TENM1: variants seen among roughly 807,000 people sequenced by gnomAD.
TENM1 encodes the protein teneurin-1.
A neutral mutation model predicts 174.8 loss-of-function variants in TENM1; 35 were observed. That is an observed-to-expected ratio of 0.20 (90% CI 0.15 to 0.27). TENM1 has a LOEUF of 0.27. TENM1 is among the 10% of genes least tolerant of loss of function. The probability of loss-of-function intolerance (pLI) is 1.00; values close to 1 mark genes in which losing one functional copy is unlikely to be tolerated. For missense variants in TENM1, 1,633 were observed against 2,130.1 expected (o/e 0.77, Z 4.59); for synonymous variants, 781 against 798.7 (o/e 0.98, Z 0.37).
At chrX:124,472,507 T>C (rs973472730) in intron 22 of TENM1, among the ~76,000 whole-genome samples, 6 of 107,693 alleles carry the variant, frequency 5.6e-5, no homozygotes, top group African/African-American at 1.7e-4. Context: ...TGGGCTGAAG[T>C]GGCCAAAAAT....
chrX:124,801,486 T>C (rs1022218728), intron 3 of TENM1, among the ~76,000 whole-genome samples: 50 of 112,019 alleles, frequency 4.5e-4, no homozygotes, highest in Non-Finnish European at 2.4e-4. Context: ...TGTCTTTGCA[T>C]GTAAGATGGG....
At chrX:124,680,007 C>T (rs1045529664) in intron 5 of TENM1, among the ~76,000 whole-genome samples, 7 of 110,840 alleles carry the variant, frequency 6.3e-5, no homozygotes, top group Non-Finnish European at 1.1e-4. Context: ...GCTGTTGTGT[C>T]GTATATAGGT....
At position 124,876,962 on chromosome X, in the gene TENM1, T is replaced by C. The variant is rs1297748989; in HGVS notation, c.535+17334A>G. 7.1e-5 allele frequency among the ~76,000 whole-genome samples: 8 copies of C among 112,268 alleles called. No homozygotes were observed. The East Asian group carries it at 2.2e-3, about 31-fold the overall frequency. On this transcript the variant is annotated intron_variant, in intron 3 of 31. Coordinates refer to ENST00000422452, the Ensembl canonical transcript of TENM1. ...ATTCTGCTATTTTACTGCTTATGCC[T>C]ATAAGAATTGGTTCTTGAATTTATT...
intron 27 of TENM1, among the ~76,000 whole-genome samples, chrX:124,403,711 T>G (rs1736203161): frequency 9.0e-6 from 1 of 110,653 alleles, no homozygotes. Flanking sequence ...AATTAATATG[T>G]CAGTATGTTC....
At chrX:124,713,256 T>A (rs1384700363) in intron 4 of TENM1, among the ~76,000 whole-genome samples, 5 of 111,002 alleles carry the variant, frequency 4.5e-5, no homozygotes, top group Non-Finnish European at 9.4e-5. Flanking sequence ...GTTACTATCG[T>A]GATTTGCAAA....
intron 4 of TENM1, among the ~76,000 whole-genome samples, chrX:124,718,994 A>G (rs1603061638): frequency 8.9e-6 from 1 of 111,840 alleles, no homozygotes; most frequent in East Asian, 2.8e-4. Context: ...ACATCCTGAC[A>G]GTCTACCTCC....
chrX:124,547,991 C>T (rs937827809), intron 14 of TENM1, among the ~76,000 whole-genome samples: 1 of 111,559 alleles, frequency 9.0e-6, no homozygotes, highest in African/African-American at 3.3e-5. Context: ...CGCCCGCCAA[C>T]ACACCCGGCT....
the TENM1 span, among the ~76,000 whole-genome samples, chrX:125,050,756 G>C: frequency 2.7e-5 from 3 of 111,630 alleles, no homozygotes; most frequent in Non-Finnish European, 5.6e-5. Context: ...CACAAGGGTT[G>C]AACTAGTTTA....
At chrX:125,112,565 GA>G in the TENM1 span, among the ~76,000 whole-genome samples, 2 of 110,994 alleles carry the variant, frequency 1.8e-5, no homozygotes, top group African/African-American at 6.5e-5. Context: ...AAAAAGCTTA[GA>G]AAAAAAGATA....
intron 3 of TENM1, among the ~76,000 whole-genome samples, chrX:124,746,745 T>A (rs2053928456): frequency 9.0e-6 from 1 of 111,614 alleles, no homozygotes; most frequent in South Asian, 3.7e-4. Context: ...AGAATATGGC[T>A]AATGAAGTTG....
intron 3 of TENM1, among the ~76,000 whole-genome samples, chrX:124,757,327 G>A (rs1022470721): frequency 2.2e-4 from 25 of 112,528 alleles, no homozygotes; most frequent in East Asian, 5.6e-4. Context: ...CTGGTGCGCC[G>A]TTTTTTAAGC....
intron 1 of TENM1, among the ~76,000 whole-genome samples, chrX:124,955,678 T>G (rs57024139): frequency 0.12 from 13,395 of 110,348 alleles, 1,996 homozygotes; most frequent in African/African-American, 0.42. Context: ...TAAGAAAAAT[T>G]ACATTGGGAT....
At chrX:125,102,391 TAAAG>T in the TENM1 span, among the ~76,000 whole-genome samples, 3 of 29,434 alleles carry the variant, frequency 1.0e-4, no homozygotes, top group Non-Finnish European at 1.8e-4. Flanking sequence ...GCCTGCCCAA[TAAAG>T]AAACAGAAAA....
chrX:124,914,084 A>G (rs1474844929), intron 1 of TENM1, among the ~76,000 whole-genome samples: 1 of 111,846 alleles, frequency 8.9e-6, no homozygotes, highest in Non-Finnish European at 1.9e-5. Flanking sequence ...TTCAAATCCA[A>G]TTTTGTTTGT....
the TENM1 span, among the ~76,000 whole-genome samples, chrX:124,975,790 G>A: frequency 8.9e-6 from 1 of 111,758 alleles, no homozygotes. Context: ...AATGATTGTC[G>A]GGACTTGTAC....
intron 3 of TENM1, among the ~76,000 whole-genome samples, chrX:124,874,987 T>G: frequency 9.0e-6 from 1 of 111,611 alleles, no homozygotes; most frequent in Non-Finnish European, 1.9e-5. Context: ...ATTATGTTTT[T>G]CCCCATATAT....
At chrX:124,416,479 T>C (rs2060595341) in intron 25 of TENM1, among the ~76,000 whole-genome samples, 1 of 112,230 alleles carries the variant, frequency 8.9e-6, no homozygotes, top group African/African-American at 3.2e-5. Context: ...CACATTTTGT[T>C]TGTCTTCTCA....
chrX:124,866,384 A>C (rs2057008468), intron 3 of TENM1, among the ~76,000 whole-genome samples: 1 of 112,205 alleles, frequency 8.9e-6, no homozygotes, highest in African/African-American at 3.2e-5. Context: ...ATACATAGAA[A>C]TTAAACAATA....
chrX:124,429,690 G>C (rs2060756485), intron 23 of TENM1, among the ~76,000 whole-genome samples: 1 of 111,528 alleles, frequency 9.0e-6, no homozygotes, highest in Non-Finnish European at 1.9e-5. Flanking sequence ...TAAGGTAGGT[G>C]GTAGTGGTGA....
Sources: gnomAD v4.1 joint callset for allele counts (sites outside exome capture counted in the v4.1 genomes callset) on GRCh38, gnomAD v4.1.1 for gene constraint, MANE v1.5 for transcripts, NCBI Gene and HGNC (gene_info 2026-07-23, HGNC 2026-07-21) for gene names.